C10orf71: variants seen among roughly 807,000 people sequenced by gnomAD.
C10orf71 encodes the protein cardiac-enriched FHL2-interacting protein.
For missense variants in C10orf71, 1,869 were observed against 1,804.5 expected (o/e 1.04, Z -0.65); for synonymous variants, 758 against 726.3 (o/e 1.04, Z -0.70).
Position 49,326,727 on chromosome 10 carries a change from G to T in C10orf71, c.4182G>T (p.Pro1394=), listed in dbSNP as rs1365619792. 4 of 1,551,092 alleles carry T rather than the reference G, an allele frequency of 2.6e-6. No individual in the cohort carries two copies. The highest frequency in any genetic ancestry group is 2.6e-6 in the Non-Finnish European group (3 of 1,146,948). ...CAGGGCCTCACGGTGACTGCACCCC[G>T]CACTCTGCAGGCCAGCGCCCTCATG... ...LDPGPHGDCT[P]HSAGQRPHGP... The change falls in exon 3 of 3, where the codon CCG becomes CCT. Residue 1394 remains proline (P), a synonymous_variant. Coordinates refer to ENST00000374144, the MANE Select transcript of C10orf71 (RefSeq NM_001135196.2).
intron 1 of C10orf71, among the ~76,000 whole-genome samples, chr10:49,308,455 G>T (rs1590326451): frequency 6.6e-6 from 1 of 152,188 alleles, no homozygotes; most frequent in Admixed American, 6.5e-5. Flanking sequence ...AGGCCAGGCT[G>T]CAGGCTGACA....
rs750736075 is a variant in C10orf71, at chr10:49,326,600, CCT to C, written c.4059_4060del (p.Gln1354AlafsTer37). The C allele has an allele frequency of 1.1e-4, 171 of 1,550,394 alleles. No individual in the cohort carries two copies. Among genetic ancestry groups the C allele is most frequent in the Non-Finnish European group, 1.4e-4 (166 of 1,146,870 alleles). ...ACGGCCTTGATGCCGCTGCGCTGCTCCTCTCAGCTCTCCGCGCCCACCTTCCT... is the reference window on the plus strand; with the variant it reads ...ACGGCCTTGATGCCGCTGCGCTGCTCCTCAGCTCTCCGCGCCCACCTTCCT... On this transcript the variant is annotated frameshift_variant, in exon 3 of 3. Transcript: ENST00000374144. LOFTEE classifies it low-confidence loss of function (END_TRUNC).
chr10:49,320,724 G>C (rs1849080625), intron 2 of C10orf71, among the ~76,000 whole-genome samples: 1 of 152,150 alleles, frequency 6.6e-6, no homozygotes, highest in Non-Finnish European at 1.5e-5. Flanking sequence ...TGTGGCTATA[G>C]AGAGGGAGTG....
Position 49,322,805 on chromosome 10 carries a change from C to A in C10orf71, c.260C>A (p.Ser87Ter). ...AGTGGCATTTGGAGCCAGTTACCGT[C>A]ACAGGGCACGGAACATTCGGGCTGG... is the stretch of plus-strand genomic sequence containing the variant. The part of the protein sequence containing the change: ...RKSGIWSQLP[S>*]QGTEHSGWAA... Residue 87 changes from serine (S) to a stop codon, truncating the protein, a stop_gained, in exon 3 of 3, where the codon TCA becomes TAA. Coordinates refer to ENST00000374144, the MANE Select transcript of C10orf71 (RefSeq NM_001135196.2). LOFTEE classifies it low-confidence loss of function (END_TRUNC). 1 of 1,613,842 alleles carries A rather than the reference C, an allele frequency of 6.2e-7. No individual in the cohort carries two copies.
chr10:49,323,508 A>G lies in C10orf71; in HGVS notation c.963A>G (p.Thr321=). 2 of 1,612,794 alleles carry G rather than the reference A, an allele frequency of 1.2e-6. No individual in the cohort carries two copies. The highest frequency in any genetic ancestry group is 1.7e-6 in the Non-Finnish European group (2 of 1,178,960). ...LLREPCPPER[T]VSPCQVQASC... is the part of the protein sequence containing the mutation. ...GAGAACCCTGTCCTCCTGAGCGCAC[A>G]GTCTCTCCCTGCCAGGTCCAGGCCA... Residue 321 remains threonine (T), a synonymous_variant, in exon 3 of 3, where the codon ACA becomes ACG. Coordinates refer to ENST00000374144, the MANE Select transcript of C10orf71 (RefSeq NM_001135196.2).
In C10orf71 at chr10:49,324,488, G is replaced by A; in HGVS notation, c.1943G>A (p.Arg648Lys). The A allele has an allele frequency of 6.2e-7, 1 of 1,610,224 alleles. No individual in the cohort carries two copies. The highest frequency in any genetic ancestry group is 1.3e-5 in the African/African-American group (1 of 74,938). The change falls in exon 3 of 3, where the codon AGG becomes AAG. Residue 648 changes from arginine to lysine, a missense_variant. Coordinates refer to ENST00000374144, the MANE Select transcript of C10orf71 (RefSeq NM_001135196.2). ...CGCCCCAGGAAACACCTCTCCCTGA[G>A]GCTTTGCAATAGGGATCCTGAGCCT... ...EHRPRKHLSL[R>K]LCNRDPEPGG...
rs1849240050 is a variant in C10orf71 at position 49,326,212 on chromosome 10, T to A, written c.3667T>A (p.Cys1223Ser). 6.4e-7 allele frequency: 1 copy of A among 1,551,190 alleles called. No individual in the cohort carries two copies. The highest frequency in any genetic ancestry group is 8.7e-7 in the Non-Finnish European group (1 of 1,146,958). Residue 1223 changes from cysteine (C) to serine (S), a missense_variant, in exon 3 of 3, where the codon TGC becomes AGC. Transcript: ENST00000374144. ...GGAGCAGACACAGCAAAGGCCGCTG[T>A]GCCCCAGAGAGAGGCCCCGACACAA... ...DLEQTQQRPL[C>S]PRERPRHNFP...
intron 2 of C10orf71, among the ~76,000 whole-genome samples, chr10:49,318,281 G>C (rs1590334163): frequency 6.6e-6 from 1 of 152,264 alleles, no homozygotes; most frequent in East Asian, 1.9e-4. Context: ...CATGCTAGCT[G>C]CATGGGAGTC....
At position 49,324,233 on chromosome 10, in the gene C10orf71, ATGACC is replaced by A; in HGVS notation, c.1689_1693del (p.Asp564HisfsTer14). Reference sequence around the variant, plus strand: ...GAGCTTTCTAAGGAGAGACCCGCTGATGACCCCACTGCATCACACATCAATCCCCA... The same window carrying A: ...GAGCTTTCTAAGGAGAGACCCGCTGACCACTGCATCACACATCAATCCCCA... On this transcript the variant is annotated frameshift_variant, in exon 3 of 3. Coordinates refer to ENST00000374144, the MANE Select transcript of C10orf71 (RefSeq NM_001135196.2). LOFTEE classifies it low-confidence loss of function (END_TRUNC). The A allele has an allele frequency of 6.2e-7, 1 of 1,613,912 alleles. No individual in the cohort carries two copies. The highest frequency in any genetic ancestry group is 8.5e-7 in the Non-Finnish European group (1 of 1,179,862).
At position 49,326,856 on chromosome 10, in the gene C10orf71, T is replaced by C. The variant is rs763556601; in HGVS notation, c.*3T>C. On this transcript the variant is annotated 3_prime_UTR_variant, in exon 3 of 3. Coordinates refer to ENST00000374144, the MANE Select transcript of C10orf71 (RefSeq NM_001135196.2). ...TTGCCACAGAAGGCATTTCTTGAGT[T>C]ACTGCAGGCTGTCCCCCACCCCCAG... is the stretch of plus-strand genomic sequence containing the variant. The C allele has an allele frequency of 6.5e-6, 10 of 1,531,764 alleles. 1 individual carries two copies. The African/African-American group carries it at 1.4e-4, about 21-fold the overall frequency. 94.9% of individuals were successfully genotyped at this position (1,531,764 alleles called of 1,614,324 possible).
chr10:49,302,624 G>C (rs1590321680), intron 1 of C10orf71, among the ~76,000 whole-genome samples: 1 of 152,202 alleles, frequency 6.6e-6, no homozygotes, highest in Non-Finnish European at 1.5e-5. Context: ...TGAATGAGGG[G>C]CTTGTGATCT....
intron 1 of C10orf71, among the ~76,000 whole-genome samples, chr10:49,305,988 A>G (rs932372696): frequency 6.6e-6 from 1 of 152,240 alleles, no homozygotes; most frequent in Non-Finnish European, 1.5e-5. Context: ...CATGATACAT[A>G]TGTCTCCAAG....
Position 49,326,703 on chromosome 10 carries a change from AGG to A in C10orf71, c.4160_4161del (p.Gly1387AlafsTer4). On this transcript the variant is annotated frameshift_variant, in exon 3 of 3. Transcript: ENST00000374144. LOFTEE classifies it low-confidence loss of function (END_TRUNC). The stretch of plus-strand genomic sequence containing the variant: ...ACGAGTCTGGACTACAGCTGGACCC[AGG>A]GCCTCACGGTGACTGCACCCCGCAC... ...VHESGLQLDP[G>X]PHGDCTPHSA... 1 of 1,551,114 alleles carries A rather than the reference AGG, an allele frequency of 6.4e-7. No individual in the cohort carries two copies. Among genetic ancestry groups the A allele is most frequent in the East Asian group, 2.4e-5 (1 of 40,878 alleles).
At chr10:49,304,824 C>T (rs1344966196) in intron 1 of C10orf71, among the ~76,000 whole-genome samples, 2 of 152,248 alleles carry the variant, frequency 1.3e-5, no homozygotes, top group African/African-American at 4.8e-5. Context: ...CTCAAGTGGG[C>T]TTCTGTCTAG....
At chr10:49,303,255 G>C (rs967015539) in intron 1 of C10orf71, among the ~76,000 whole-genome samples, 1 of 152,146 alleles carries the variant, frequency 6.6e-6, no homozygotes, top group African/African-American at 2.4e-5. Context: ...CCCCTCTTGT[G>C]CGGAAGAGGT....
intron 2 of C10orf71, among the ~76,000 whole-genome samples, chr10:49,317,264 G>A (rs555799173): frequency 1.3e-5 from 2 of 152,294 alleles, no homozygotes; most frequent in Non-Finnish European, 2.9e-5. Flanking sequence ...AAATTCAAGT[G>A]GGATGGTGCT....
rs1200809425 is a variant in C10orf71 at position 49,324,125 on chromosome 10, C to G, written c.1580C>G (p.Thr527Ser). Reference sequence around the variant, plus strand: ...CTCTTGAAAGTGCTTGATGAGAAAACTAGAGGTAAGGTTGATGGAAAGCAA... The same window carrying G: ...CTCTTGAAAGTGCTTGATGAGAAAAGTAGAGGTAAGGTTGATGGAAAGCAA... ...SPLLKVLDEK[T>S]RGKVDGKQEP... The change falls in exon 3 of 3, where the codon ACT (threonine) becomes AGT (serine). Residue 527 changes from threonine (T) to serine (S), a missense_variant. Thr to Ser is a moderately conservative substitution (Grantham distance 58). Coordinates refer to ENST00000374144, the MANE Select transcript of C10orf71 (RefSeq NM_001135196.2). The G allele has an allele frequency of 3.7e-6, 6 of 1,613,822 alleles. No homozygotes were observed. The Admixed American group carries it at 1.0e-4, about 27-fold the overall frequency.
At position 49,325,949 on chromosome 10, in the gene C10orf71, G is replaced by C; in HGVS notation, c.3404G>C (p.Arg1135Pro). 6.4e-7 allele frequency: 1 copy of C among 1,551,616 alleles called. No individual in the cohort carries two copies. The highest frequency in any genetic ancestry group is 2.0e-5 in the Admixed American group (1 of 50,990). ...PLLELSAEDLRTLSPRGSLLD... is the reference protein window; with the variant it reads ...PLLELSAEDLPTLSPRGSLLD... ...CTTGAGCTGTCGGCAGAAGACCTCC[G>C]GACCCTCTCTCCAAGAGGTTCATTG... is the stretch of plus-strand genomic sequence containing the variant. Residue 1135 changes from arginine (R) to proline (P), a missense_variant, in exon 3 of 3, where the codon CGG becomes CCG. Physicochemically the swap from Arg to Pro is moderately radical, Grantham distance 103. Coordinates refer to ENST00000374144, the MANE Select transcript of C10orf71 (RefSeq NM_001135196.2).
rs1849174896 is a variant in C10orf71, at chr10:49,324,443, G to A, written c.1898G>A (p.Cys633Tyr). ...LEMGPAGSSW[C>Y]PDSREHRPRK... ...ATGGGTCCTGCCGGATCCAGCTGGT[G>A]TCCAGACTCCAGGGAACACCGCCCC... The change falls in exon 3 of 3, where the codon TGT becomes TAT. Residue 633 changes from cysteine to tyrosine, a missense_variant. Coordinates refer to ENST00000374144, the MANE Select transcript of C10orf71 (RefSeq NM_001135196.2). 1.9e-6 allele frequency: 3 copies of A among 1,608,684 alleles called. No individual in the cohort carries two copies. The highest frequency in any genetic ancestry group is 1.3e-5 in the African/African-American group (1 of 74,882).
Sources: gnomAD v4.1 joint callset for allele counts (sites outside exome capture counted in the v4.1 genomes callset) on GRCh38, gnomAD v4.1.1 for gene constraint, MANE v1.5 for transcripts, NCBI Gene and HGNC (gene_info 2026-07-23, HGNC 2026-07-21) for gene names.